Variants in MDGA2 observed in about 807,000 individuals in gnomAD.
The protein encoded by MDGA2 is MAM domain containing glycosylphosphatidylinositol anchor 2.
MDGA2 carries 40 observed loss-of-function variants against 117.8 expected under a neutral mutation model. The ratio of observed to expected loss-of-function variants is 0.34; its 90% CI spans 0.26 to 0.44. MDGA2 has a LOEUF of 0.44. Among genes scored for constraint, MDGA2 ranks in the 20% least tolerant of loss-of-function variants. The pLI is 1.00. For missense variants in MDGA2, 1,123 were observed against 1,250.6 expected (o/e 0.90, Z 1.54); for synonymous variants, 452 against 439.0 (o/e 1.03, Z -0.37).
At chr14:47,181,637 C>A (rs1280195289) in intron 3 of MDGA2, among the ~76,000 whole-genome samples, 1 of 152,166 alleles carries the variant, frequency 6.6e-6, no homozygotes, top group Non-Finnish European at 1.5e-5. Context: ...ACTTCAGATT[C>A]ATAGATGAAA....
intron 3 of MDGA2, among the ~76,000 whole-genome samples, chr14:47,208,645 C>G (rs148191847): frequency 0.012 from 1,754 of 151,666 alleles, 44 homozygotes; most frequent in African/African-American, 0.04. Context: ...AAATCAGAAC[C>G]CTGGATGCCA....
intron 1 of MDGA2, among the ~76,000 whole-genome samples, chr14:47,431,868 C>G (rs923006478): frequency 6.6e-6 from 1 of 151,982 alleles, no homozygotes; most frequent in Non-Finnish European, 1.5e-5. Context: ...AGTAAGGGAA[C>G]CTTTAAATTT....
chr14:47,342,801 G>C (rs1890669291), intron 1 of MDGA2: 3 of 326,550 alleles, frequency 9.2e-6, no homozygotes, highest in Middle Eastern at 1.6e-3. Flanking sequence ...ACTTACAAAA[G>C]TAGCAGCAAA....
chr14:47,603,076 G>T (rs991935567), intron 1 of MDGA2, among the ~76,000 whole-genome samples: 1 of 152,048 alleles, frequency 6.6e-6, no homozygotes, highest in Non-Finnish European at 1.5e-5. Flanking sequence ...GCCAATTTAG[G>T]GGTTTAAATT....
chr14:47,023,047 G>A (rs1351256129), intron 8 of MDGA2, among the ~76,000 whole-genome samples: 1 of 152,070 alleles, frequency 6.6e-6, no homozygotes, highest in Non-Finnish European at 1.5e-5. Context: ...GACTGGAAAT[G>A]AGAACCACTA....
At chr14:46,977,284 C>T (rs754985040) in intron 8 of MDGA2, among the ~76,000 whole-genome samples, 1 of 151,328 alleles carries the variant, frequency 6.6e-6, no homozygotes, top group African/African-American at 2.4e-5. Flanking sequence ...AAGGCCCTCA[C>T]TTTTTTCTTA....
chr14:46,882,229 C>A lies in MDGA2; in HGVS notation c.2239-8G>T, dbSNP rs750471262. On this transcript the variant is annotated splice_polypyrimidine_tract_variant and splice_region_variant and intron_variant, in intron 10 of 16. Coordinates refer to ENST00000399232, the MANE Select transcript of MDGA2 (RefSeq NM_001113498.3). ...CCAGCGCTGCTGTCCAGCCTGAAAT[C>A]AAAACAATAATAGAATAATGTTCCC... The A allele has an allele frequency of 1.2e-6, 2 of 1,603,232 alleles. No individual in the cohort carries two copies. The highest frequency in any genetic ancestry group is 3.4e-5 in the Admixed American group (2 of 58,928).
At chr14:47,032,656 C>CTAT in intron 8 of MDGA2, among the ~76,000 whole-genome samples, 1 of 152,208 alleles carries the variant, frequency 6.6e-6, no homozygotes, top group Non-Finnish European at 1.5e-5. Context: ...AATTCCTGTA[C>CTAT]TATTAGTTTT....
intron 5 of MDGA2, among the ~76,000 whole-genome samples, chr14:47,101,110 T>C (rs993879270): frequency 1.5e-5 from 2 of 134,956 alleles, no homozygotes; most frequent in African/African-American, 2.9e-5. Context: ...GATAGATAGA[T>C]AGATAGATAG....
chr14:47,309,662 G>T (rs1889571932), intron 1 of MDGA2, among the ~76,000 whole-genome samples: 1 of 152,010 alleles, frequency 6.6e-6, no homozygotes, highest in South Asian at 2.1e-4. Context: ...AATAATAAAA[G>T]TTGACATAAT....
At chr14:46,928,683 CT>C (rs1884423895) in intron 9 of MDGA2, among the ~76,000 whole-genome samples, 1 of 152,130 alleles carries the variant, frequency 6.6e-6, no homozygotes, top group Non-Finnish European at 1.5e-5. Flanking sequence ...AACTAAAATA[CT>C]TTCCTCCTGC....
intron 9 of MDGA2, among the ~76,000 whole-genome samples, chr14:46,925,515 C>A (rs1332171204): frequency 6.6e-6 from 1 of 151,030 alleles, no homozygotes; most frequent in East Asian, 2.0e-4. Context: ...ACCAGTAATC[C>A]CAGCTATTCG....
chr14:46,869,551 A>G lies in MDGA2; in HGVS notation c.2752+3882T>C, dbSNP rs368676321. 1.3e-3 allele frequency among the ~76,000 whole-genome samples: 194 copies of G among 151,964 alleles called. 2 individuals carry two copies. Among genetic ancestry groups the G allele is most frequent in the African/African-American group, 4.5e-3 (186 of 41,490 alleles). On this transcript the variant is annotated intron_variant, in intron 14 of 16. Transcript: ENST00000399232. Reference sequence around the variant, plus strand: ...ATTTGGAAACATGTTTTTTTCTTCAATCAATTTTGATGAAACATTTAACTA... The same window carrying G: ...ATTTGGAAACATGTTTTTTTCTTCAGTCAATTTTGATGAAACATTTAACTA...
intron 5 of MDGA2, among the ~76,000 whole-genome samples, chr14:47,103,091 G>A (rs1271732522): frequency 6.6e-6 from 1 of 152,160 alleles, no homozygotes; most frequent in Admixed American, 6.5e-5. Flanking sequence ...TAAGAGAGAC[G>A]AGGTAAAAAT....
intron 10 of MDGA2, among the ~76,000 whole-genome samples, chr14:46,897,207 A>C (rs1595029099): frequency 6.6e-6 from 1 of 152,294 alleles, no homozygotes; most frequent in East Asian, 1.9e-4. Flanking sequence ...ATATTTACTA[A>C]GCATCTAATC....
At chr14:46,948,157 C>T (rs1387043221) in intron 9 of MDGA2, among the ~76,000 whole-genome samples, 1 of 151,874 alleles carries the variant, frequency 6.6e-6, no homozygotes, top group Non-Finnish European at 1.5e-5. Flanking sequence ...TTATATCCTC[C>T]CTGCTTTCTT....
chr14:46,895,912 CT>C (rs1883058448), intron 10 of MDGA2, among the ~76,000 whole-genome samples: 1 of 152,110 alleles, frequency 6.6e-6, no homozygotes, highest in East Asian at 1.9e-4. Flanking sequence ...GAAGTTCTTG[CT>C]TCTGGTGAGT....
rs372832054 is a variant in MDGA2, at chr14:46,888,544, T to C, written c.2239-6323A>G. 2.2e-4 allele frequency among the ~76,000 whole-genome samples: 34 copies of C among 152,046 alleles called. 3 individuals carry two copies. In the South Asian group the frequency reaches 7.0e-3, roughly 31 times the overall value. On this transcript the variant is annotated intron_variant, in intron 10 of 16. Coordinates refer to ENST00000399232, the MANE Select transcript of MDGA2 (RefSeq NM_001113498.3). ...TTTATTAAAAACTATAATTTGTTAT[T>C]TTTACCACAGAAGATAATTAAAAAG...
chr14:46,900,546 GAT>G (rs1383050376), intron 10 of MDGA2, among the ~76,000 whole-genome samples: 1 of 152,076 alleles, frequency 6.6e-6, no homozygotes, highest in Non-Finnish European at 1.5e-5. Flanking sequence ...ATGAACTACT[GAT>G]ATATGCAACA....
Sources: allele counts gnomAD v4.1 joint callset (sites outside exome capture counted in the v4.1 genomes callset), GRCh38; gene constraint gnomAD v4.1.1; transcripts MANE v1.5; gene names NCBI Gene and HGNC (gene_info 2026-07-23, HGNC 2026-07-21).